Variants in FAM217A observed in about 807,000 individuals in gnomAD.
FAM217A encodes protein FAM217A.
A neutral mutation model predicts 18.5 loss-of-function variants in FAM217A; 13 were observed. The observed-to-expected ratio is 0.70, with a 90% CI of 0.46 to 1.12. The LOEUF (loss-of-function observed/expected upper bound fraction) is 1.12. Among genes scored for constraint, FAM217A ranks in the 50% most tolerant of loss-of-function variants. The pLI is 0.00. For missense variants in FAM217A, 560 were observed against 575.4 expected (o/e 0.97, Z 0.27); for synonymous variants, 161 against 202.8 (o/e 0.79, Z 1.75).
intron 6 of FAM217A, among the ~76,000 whole-genome samples, chr6:4,072,740 C>G (rs1370772435): frequency 7.2e-6 from 1 of 139,758 alleles, no homozygotes; most frequent in African/African-American, 2.7e-5. Context: ...CCAGCCTGGG[C>G]AACAAGAGCA....
chr6:4,084,637 C>T (rs752786697), exon 2 of FAM217A: 111 of 702,904 alleles, frequency 1.6e-4, no homozygotes, highest in Admixed American at 1.2e-3. Context: ...ACCCCTCCCA[C>T]CTCATTTGTT....
In FAM217A at chr6:4,069,294, G is replaced by C. The variant is rs569013413; in HGVS notation, c.929C>G (p.Thr310Arg). ...TIQKERPRLQ[T>R]TFCTPAVTER... ...AGTAACTGCTGGAGTACAGAAAGTC[G>C]TTTGTAGTCTTGGCCTCTCTTTTTG... The change falls in exon 7 of 7, where the codon ACG becomes AGG. Residue 310 changes from threonine to arginine, a missense_variant. Transcript: ENST00000274673. The C allele has an allele frequency of 1.2e-6, 2 of 1,614,036 alleles. No individual in the cohort carries two copies. Among genetic ancestry groups the C allele is most frequent in the Non-Finnish European group, 1.7e-6 (2 of 1,180,034 alleles).
intron 6 of FAM217A, among the ~76,000 whole-genome samples, chr6:4,072,356 GAATT>G (rs1208769106): frequency 6.6e-6 from 1 of 151,228 alleles, no homozygotes; most frequent in Non-Finnish European, 1.5e-5. Context: ...CACAAAAAAA[GAATT>G]AAAACTCAGG....
At chr6:4,073,569 A>C (rs535162353) in intron 4 of FAM217A, 62 bp from the exon 5 acceptor site, 1 of 1,331,476 alleles carries the variant, frequency 7.5e-7, no homozygotes, top group African/African-American at 1.5e-5. Flanking sequence ...TTGTTCTAAC[A>C]ATGTATAGTT....
At chr6:4,078,249 T>G (rs1769991108) in intron 1 of FAM217A, among the ~76,000 whole-genome samples, 1 of 152,024 alleles carries the variant, frequency 6.6e-6, no homozygotes, top group Admixed American at 6.6e-5. Flanking sequence ...AGATGGGGTT[T>G]CACCATGTTG....
At position 4,069,443 on chromosome 6, in the gene FAM217A, G is replaced by A; in HGVS notation, c.780C>T (p.Asp260=). The change falls in exon 7 of 7, where the codon GAC becomes GAT. Residue 260 remains aspartate, a synonymous_variant. Coordinates refer to ENST00000274673, the MANE Select transcript of FAM217A (RefSeq NM_173563.3). ...ATTTGGAGAGGGCTAAATTGTGCAA[G>A]TCTAGAGCACTGAAAGGAGGAGGGA... ...DFLPPPFSAL[D]LHNLALSKSD... The A allele has an allele frequency of 3.1e-6, 5 of 1,614,182 alleles. No homozygotes were observed. The highest frequency in any genetic ancestry group is 4.2e-6 in the Non-Finnish European group (5 of 1,180,028).
intron 1 of FAM217A, 116 bp from the exon 2 acceptor site, chr6:4,077,564 G>C: frequency 1.1e-6 from 1 of 883,054 alleles, no homozygotes; most frequent in Admixed American, 2.0e-5. Context: ...GAAAGCAGAA[G>C]AGAGGGGCTA....
chr6:4,071,984 G>A (rs1367911645), intron 6 of FAM217A, among the ~76,000 whole-genome samples: 1 of 152,156 alleles, frequency 6.6e-6, no homozygotes, highest in African/African-American at 2.4e-5. Context: ...AGTAACCTGT[G>A]TTTCCAAGAA....
chr6:4,070,072 A>G, intron 6 of FAM217A, 152 bp from the exon 7 acceptor site: 1 of 559,228 alleles, frequency 1.8e-6, no homozygotes, highest in Non-Finnish European at 3.0e-6. Context: ...GAAATATGTT[A>G]GTTTCCAAAA....
At position 4,068,763 on chromosome 6, in the gene FAM217A, T is replaced by A; in HGVS notation, c.1460A>T (p.Lys487Met). Residue 487 changes from lysine (K) to methionine (M), a missense_variant, in exon 7 of 7, where the codon AAG (lysine) becomes ATG (methionine). Coordinates refer to ENST00000274673, the MANE Select transcript of FAM217A (RefSeq NM_173563.3). ...AAGGGAAGGCGACAAACAGTTTAGC[T>A]TCTGAATAGAGAATGGTCTATTCAA... ...IVLNRPFSIQ[K>M]LNCLSPSLIA... 6.2e-7 allele frequency: 1 copy of A among 1,613,744 alleles called. No individual in the cohort carries two copies. Among genetic ancestry groups the A allele is most frequent in the South Asian group, 1.1e-5 (1 of 90,920 alleles).
At position 4,069,176 on chromosome 6, in the gene FAM217A, A is replaced by C. The variant is rs938602877; in HGVS notation, c.1047T>G (p.Ser349Arg). The change falls in exon 7 of 7, where the codon AGT becomes AGG. Residue 349 changes from serine to arginine, a missense_variant. Transcript: ENST00000274673. Reference protein sequence around the residue: ...LSLQIPCVDKSQEKSKNNSGS... With the variant: ...LSLQIPCVDKRQEKSKNNSGS... Reference sequence around the variant, plus strand: ...CAGAGTTGTTTTTACTTTTTTCTTGACTTTTATCTACACAAGGTATCTGAA... The same window carrying C: ...CAGAGTTGTTTTTACTTTTTTCTTGCCTTTTATCTACACAAGGTATCTGAA... The C allele has an allele frequency of 1.3e-5, 21 of 1,581,762 alleles. No homozygotes were observed. In the Admixed American group the frequency reaches 2.7e-4, roughly 20 times the overall value.
In FAM217A at chr6:4,078,898, C is replaced by A. The variant is rs1043858533; in HGVS notation, c.-81G>T. 3.4e-6 allele frequency: 2 copies of A among 582,824 alleles called. No homozygotes were observed. Among genetic ancestry groups the A allele is most frequent in the African/African-American group, 3.9e-5 (2 of 51,224 alleles). 36.1% of individuals were successfully genotyped at this position (582,824 alleles called of 1,614,324 possible). The stretch of plus-strand genomic sequence containing the variant: ...TCCCCGGCGTGCTCTCCCGGTGCGC[C>A]GCCCCGAGGCCCGAGCGCCTCCGCG... On this transcript the variant is annotated 5_prime_UTR_variant, in exon 1 of 7. Coordinates refer to ENST00000274673, the MANE Select transcript of FAM217A (RefSeq NM_173563.3).
rs748750753 is a variant in FAM217A at position 4,069,412 on chromosome 6, T to G, written c.811A>C (p.Asn271His). Residue 271 changes from asparagine to histidine, a missense_variant, in exon 7 of 7, where the codon AAT (asparagine) becomes CAT (histidine). Asn to His is a moderately conservative substitution (Grantham distance 68). Coordinates refer to ENST00000274673, the MANE Select transcript of FAM217A (RefSeq NM_173563.3). ...GCAGGGTCCACTGTCACTTTCCAAT[T>G]GTCAGATTTGGAGAGGGCTAAATTG... Reference protein sequence around the residue: ...LHNLALSKSDNWKVTVDPAET... With the variant: ...LHNLALSKSDHWKVTVDPAET... The G allele has an allele frequency of 6.2e-6, 10 of 1,614,166 alleles. No homozygotes were observed. The highest frequency in any genetic ancestry group is 8.5e-7 in the Non-Finnish European group (1 of 1,180,026).
rs911017290 is a variant in FAM217A, at chr6:4,073,591, C to A, written c.160-84G>T. On this transcript the variant is annotated intron_variant, in intron 4 of 6. Transcript: ENST00000274673. ...AACAATGTATAGTTCTTGTTCTAAT[C>A]AAGGAATGTATGGTAAAACTGAATG... The A allele has an allele frequency of 3.6e-6, 4 of 1,101,000 alleles. No individual in the cohort carries two copies. The African/African-American group carries it at 4.7e-5, about 13-fold the overall frequency. The allele number at this position is 1,101,000 out of a possible 1,614,324, so 68.2% of individuals were successfully genotyped here. A position where few individuals can be genotyped will look rare whatever the true frequency, so the allele number is the denominator to read the frequency against.
chr6:4,078,192 T>A (rs1183144067), intron 1 of FAM217A, among the ~76,000 whole-genome samples: 2 of 151,916 alleles, frequency 1.3e-5, no homozygotes, highest in Admixed American at 6.6e-5. Flanking sequence ...CAGCTGGGAT[T>A]ACAGGCGAGC....
At chr6:4,081,445 G>A (rs1770295112), upstream of FAM217A, among the ~76,000 whole-genome samples, 2 of 152,040 alleles carry the variant, frequency 1.3e-5, no homozygotes, top group Admixed American at 1.3e-4. Context: ...CCTAGTAGCT[G>A]GGATTACAGG....
Position 4,068,895 on chromosome 6 carries a change from G to A in FAM217A, c.1328C>T (p.Pro443Leu), listed in dbSNP as rs1270229626. ...AAAAGTCAGAGGTATAGGTGAAACT[G>A]GCATTGGAGACCTCCATGGCAGACA... Reference protein sequence around the residue: ...TRCLPWRSPMPVSPIPLTFPE... With the variant: ...TRCLPWRSPMLVSPIPLTFPE... The change falls in exon 7 of 7, where the codon CCA becomes CTA. Residue 443 changes from proline (P) to leucine (L), a missense_variant. Coordinates refer to ENST00000274673, the MANE Select transcript of FAM217A (RefSeq NM_173563.3). 11 of 1,614,146 alleles carry A rather than the reference G, an allele frequency of 6.8e-6. No individual in the cohort carries two copies. Among genetic ancestry groups the A allele is most frequent in the Non-Finnish European group, 9.3e-6 (11 of 1,180,014 alleles).
upstream of FAM217A, chr6:4,079,653 G>A (rs1770138470): frequency 7.8e-7 from 1 of 1,284,960 alleles, no homozygotes. Context: ...CCCACCGCCT[G>A]CTCACATCAA....
At chr6:4,079,620 C>T (rs1561929490), upstream of FAM217A, 2 of 1,251,432 alleles carry the variant, frequency 1.6e-6, no homozygotes, top group South Asian at 1.2e-5. Context: ...CGGGGCCCGG[C>T]CCACCCGCCT....
Sources: gnomAD v4.1 joint callset for allele counts (sites outside exome capture counted in the v4.1 genomes callset) on GRCh38, gnomAD v4.1.1 for gene constraint, MANE v1.5 for transcripts, NCBI Gene and HGNC (gene_info 2026-07-23, HGNC 2026-07-21) for gene names.